NUP133: variants seen among roughly 807,000 people sequenced by gnomAD.
The protein encoded by NUP133 is nuclear pore complex protein Nup133.
A neutral mutation model predicts 146.2 loss-of-function variants in NUP133; 66 were observed. The observed-to-expected ratio is 0.45, with a 90% CI of 0.37 to 0.55. The LOEUF is 0.55. NUP133 is among the 20% of genes least tolerant of loss of function. The pLI is 0.00. For synonymous variants in NUP133, 521 were observed against 498.8 expected (o/e 1.04, Z -0.59); for missense variants, 1,277 against 1,374.8 (o/e 0.93, Z 1.12).
At chr1:229,463,817 G>A (rs1571914633) in intron 18 of NUP133, 141 bp from the exon 19 acceptor site, 2 of 929,866 alleles carry the variant, frequency 2.2e-6, no homozygotes, top group East Asian at 5.7e-5. Context: ...CCACTTACTG[G>A]CACTTAGTTT....
chr1:229,468,730 T>C (rs1398252117), intron 15 of NUP133, among the ~76,000 whole-genome samples: 1 of 152,178 alleles, frequency 6.6e-6, no homozygotes, highest in East Asian at 1.9e-4. Context: ...CTGTAATTAA[T>C]TTTAAAAAAT....
intron 15 of NUP133, among the ~76,000 whole-genome samples, chr1:229,467,971 A>C (rs1408987289): frequency 6.6e-6 from 1 of 152,132 alleles, no homozygotes; most frequent in Non-Finnish European, 1.5e-5. Flanking sequence ...GACAGAAAAT[A>C]ACATAAAAGC....
intron 25 of NUP133, 75 bp downstream of exon 25, chr1:229,444,839 T>TCCG: frequency 1.1e-6 from 1 of 930,962 alleles, no homozygotes; most frequent in African/African-American, 1.7e-5. Context: ...AGAGCAAGAC[T>TCCG]CCGTCTCAAA....
At chr1:229,475,845 C>T (rs1661062043) in intron 13 of NUP133, 113 bp from the exon 14 acceptor site, 1 of 813,778 alleles carries the variant, frequency 1.2e-6, no homozygotes, top group Admixed American at 2.1e-5. Context: ...CACGGTGGCT[C>T]ACACCTGTAA....
chr1:229,480,351 G>C (rs1334495625), intron 12 of NUP133, among the ~76,000 whole-genome samples: 1 of 152,180 alleles, frequency 6.6e-6, no homozygotes, highest in African/African-American at 2.4e-5. Flanking sequence ...TGAAAGGCCA[G>C]GGTGAAGCTG....
In NUP133 at chr1:229,441,991, C is replaced by G. The variant is rs140085858; in HGVS notation, c.3384G>C (p.Ala1128=). 1.3e-6 allele frequency: 2 copies of G among 1,589,886 alleles called. No homozygotes were observed. The highest frequency in any genetic ancestry group is 4.6e-5 in the East Asian group (2 of 43,800). ...YLPEVKDLLQ[A]DQLGSLKSNP... is the part of the protein sequence containing the mutation. ...TGGACTTTAAGCTTCCAAGCTGATC[C>G]GCTTGTAGCAGGTCTTTCACCTCCG... The change falls in exon 26 of 26, where the codon GCG becomes GCC. Residue 1128 remains alanine, a synonymous_variant. Transcript: ENST00000261396.
In NUP133 at chr1:229,441,838, G is replaced by T; in HGVS notation, c.*66C>A. The T allele has an allele frequency of 7.7e-7, 1 of 1,293,052 alleles. No individual in the cohort carries two copies. Among genetic ancestry groups the T allele is most frequent in the Non-Finnish European group, 1.1e-6 (1 of 950,724 alleles). The allele number at this position is 1,293,052 out of a possible 1,614,324, so 80.1% of individuals were successfully genotyped here. ...ATTGTACAAACTTACACTTGTTTAT[G>T]GCCTAAAATTTGTATAAGGACACAC... On this transcript the variant is annotated 3_prime_UTR_variant, in exon 26 of 26. Coordinates refer to ENST00000261396, the MANE Select transcript of NUP133 (RefSeq NM_018230.3).
chr1:229,443,894 CTTTTTTTT>C (rs746631129), intron 25 of NUP133, among the ~76,000 whole-genome samples: 30 of 114,878 alleles, frequency 2.6e-4, no homozygotes, highest in East Asian at 1.5e-3. Flanking sequence ...GTGCTCAACT[CTTTTTTTT>C]TTTTTTTTTT....
chr1:229,442,003 G>C lies in NUP133; in HGVS notation c.3372C>G (p.Asp1124Glu), dbSNP rs1660194404. 1 of 1,584,190 alleles carries C rather than the reference G, an allele frequency of 6.3e-7. No homozygotes were observed. Among genetic ancestry groups the C allele is most frequent in the Non-Finnish European group, 8.5e-7 (1 of 1,171,692 alleles). The change falls in exon 26 of 26, where the codon GAC (aspartate) becomes GAG (glutamate). Residue 1124 changes from aspartate (D) to glutamate (E), a missense_variant. This residue lies in a region of NUP133 where 952 missense variants were observed against 1,047.0 expected (regional missense o/e 0.91). Coordinates refer to ENST00000261396, the MANE Select transcript of NUP133 (RefSeq NM_018230.3). ...QLSEYLPEVK[D>E]LLQADQLGSL... ...TTCCAAGCTGATCCGCTTGTAGCAG[G>C]TCTTTCACCTCCGGTAAGTACTCAC...
In NUP133 at chr1:229,502,041, C is replaced by A; in HGVS notation, c.363G>T (p.Glu121Asp). 6.2e-7 allele frequency: 1 copy of A among 1,614,052 alleles called. No individual in the cohort carries two copies. The highest frequency in any genetic ancestry group is 8.5e-7 in the Non-Finnish European group (1 of 1,179,938). The stretch of plus-strand genomic sequence containing the variant: ...GAGCAATCTTCCAAATAATGAGCTT[C>A]TCTTTGCACACCAGACAAGCCCATC... ...EGGWACLVCKEKLIIWKIALS... is the reference protein window; with the variant it reads ...EGGWACLVCKDKLIIWKIALS... The change falls in exon 3 of 26, where the codon GAG (glutamate) becomes GAT (aspartate). Residue 121 changes from glutamate (E) to aspartate (D), a missense_variant. Physicochemically the swap from Glu to Asp is conservative, Grantham distance 45. Transcript: ENST00000261396.
chr1:229,448,836 T>C (rs1447597368), intron 24 of NUP133: 2 of 409,356 alleles, frequency 4.9e-6, no homozygotes, highest in Non-Finnish European at 8.8e-6. Flanking sequence ...CCCCAATTTA[T>C]AGCTGGTCGG....
At chr1:229,482,254 G>A (rs1361020885) in intron 12 of NUP133, among the ~76,000 whole-genome samples, 1 of 152,158 alleles carries the variant, frequency 6.6e-6, no homozygotes, top group East Asian at 1.9e-4. Flanking sequence ...TGTTGTCTCT[G>A]TGAGTGAGCC....
chr1:229,480,320 G>A (rs753832268), intron 12 of NUP133, among the ~76,000 whole-genome samples: 5 of 152,164 alleles, frequency 3.3e-5, no homozygotes, highest in African/African-American at 9.7e-5. Context: ...CTGGAGAAAC[G>A]CAGAAAAACT....
At chr1:229,502,140 T>C (rs759360243) in intron 2 of NUP133, 38 bp from the exon 3 acceptor site, 2 of 1,410,434 alleles carry the variant, frequency 1.4e-6, no homozygotes, top group Non-Finnish European at 2.0e-6. Flanking sequence ...AATCTTATAG[T>C]ATAAATCTTT....
chr1:229,473,899 G>C (rs1462313014), intron 14 of NUP133, among the ~76,000 whole-genome samples: 2 of 150,956 alleles, frequency 1.3e-5, no homozygotes, highest in Non-Finnish European at 2.9e-5. Flanking sequence ...ACTCCAGCCT[G>C]GGCGATGGGA....
intron 11 of NUP133, among the ~76,000 whole-genome samples, chr1:229,486,157 ACT>A (rs1443160716): frequency 6.6e-6 from 1 of 151,954 alleles, no homozygotes; most frequent in Admixed American, 6.6e-5. Context: ...ACAGAGTGAG[ACT>A]CTGTCTCAAA....
At chr1:229,479,708 A>G (rs568764102) in intron 12 of NUP133, among the ~76,000 whole-genome samples, 2 of 152,296 alleles carry the variant, frequency 1.3e-5, no homozygotes, top group East Asian at 3.9e-4. Flanking sequence ...TGAAATATGT[A>G]CTGCTGCTGG....
intron 12 of NUP133, among the ~76,000 whole-genome samples, chr1:229,483,696 CAAAAA>C (rs35673633): frequency 8.7e-5 from 5 of 57,526 alleles, no homozygotes; most frequent in Non-Finnish European, 1.1e-4. Context: ...CGGAGTGTCT[CAAAAA>C]AAAAAAAAAA....
intron 8 of NUP133, among the ~76,000 whole-genome samples, chr1:229,490,834 C>T (rs1661493853): frequency 6.6e-6 from 1 of 152,040 alleles, no homozygotes; most frequent in South Asian, 2.1e-4. Context: ...TGCCTGTTGT[C>T]CCAGCTACTT....
Sources: allele counts gnomAD v4.1 joint callset (sites outside exome capture counted in the v4.1 genomes callset), GRCh38; gene constraint gnomAD v4.1.1; regional missense constraint gnomAD v4.1.1; transcripts MANE v1.5; gene names NCBI Gene and HGNC (gene_info 2026-07-23, HGNC 2026-07-21).